The following ELMOD3 variants were observed in gnomAD, a reference collection of about 807,000 sequenced individuals.
ELMOD3 encodes the protein ELMO domain containing 3, also known as ELMO domain-containing protein 3.
ELMOD3 carries 36 observed loss-of-function variants against 47.4 expected under a neutral mutation model. The observed-to-expected ratio is 0.76, with a 90% CI of 0.58 to 1.00. The LOEUF (loss-of-function observed/expected upper bound fraction) is 1.00. Ranked by LOEUF, ELMOD3 falls within the 50% of genes least tolerant of loss-of-function variation. The probability of loss-of-function intolerance (pLI) is 0.00; values close to 1 mark genes in which losing one functional copy is unlikely to be tolerated. For synonymous variants in ELMOD3, 149 were observed against 183.5 expected (o/e 0.81, Z 1.52); for missense variants, 404 against 463.8 (o/e 0.87, Z 1.18).
At chr2:85,383,336 A>C (rs1685721308) in intron 11 of ELMOD3, among the ~76,000 whole-genome samples, 1 of 148,922 alleles carries the variant, frequency 6.7e-6, no homozygotes, top group African/African-American at 2.5e-5. Context: ...ACCATATCAT[A>C]TTGCTTGATC....
intron 11 of ELMOD3, 137 bp from the exon 12 acceptor site, chr2:85,389,613 GA>G: frequency 1.5e-6 from 1 of 665,246 alleles, no homozygotes. Context: ...AGATTATTAG[GA>G]AAATTAAGTG....
At chr2:85,382,828 G>T (rs1385959340) in intron 11 of ELMOD3, among the ~76,000 whole-genome samples, 1 of 151,392 alleles carries the variant, frequency 6.6e-6, no homozygotes, top group Non-Finnish European at 1.5e-5. Context: ...CACTTTAAAA[G>T]CACATACAGA....
At chr2:85,383,748 A>C (rs1020151319) in intron 11 of ELMOD3, among the ~76,000 whole-genome samples, 4 of 152,158 alleles carry the variant, frequency 2.6e-5, no homozygotes, top group African/African-American at 7.2e-5. Flanking sequence ...CATGGATAGG[A>C]GATTTGTCAA....
intron 4 of ELMOD3, 59 bp downstream of exon 4, chr2:85,357,311 T>G: frequency 6.4e-6 from 7 of 1,098,218 alleles, no homozygotes; most frequent in Non-Finnish European, 8.1e-6. Context: ...TCATTAAGTA[T>G]AGTAAGAATA....
At chr2:85,378,315 C>T (rs1685313273) in intron 11 of ELMOD3, among the ~76,000 whole-genome samples, 2 of 152,206 alleles carry the variant, frequency 1.3e-5, no homozygotes, top group Non-Finnish European at 2.9e-5. Flanking sequence ...TCTGAGGTCT[C>T]AGTTAATTTA....
chr2:85,368,579 C>CT, intron 6 of ELMOD3, 107 bp from the exon 7 acceptor site: 1 of 1,089,988 alleles, frequency 9.2e-7, no homozygotes, highest in Non-Finnish European at 1.4e-6. Context: ...CACCCCATCT[C>CT]TTAAAAAAAA....
At chr2:85,378,357 T>C (rs1390719278) in intron 11 of ELMOD3, among the ~76,000 whole-genome samples, 1 of 152,238 alleles carries the variant, frequency 6.6e-6, no homozygotes, top group Non-Finnish European at 1.5e-5. Context: ...TGAGAACACA[T>C]GCCCGTGACA....
chr2:85,390,406 A>G, intron 13 of ELMOD3, 141 bp downstream of exon 13: 1 of 1,613,946 alleles, frequency 6.2e-7, no homozygotes, highest in Non-Finnish European at 8.5e-7. Context: ...CAAAATCTCC[A>G]TCACCCACCC....
chr2:85,389,231 C>G (rs1425445852), intron 11 of ELMOD3, among the ~76,000 whole-genome samples: 6 of 152,228 alleles, frequency 3.9e-5, no homozygotes, highest in Admixed American at 3.9e-4. Context: ...GGTGTCCCCC[C>G]AAGTCAGGAT....
intron 11 of ELMOD3, among the ~76,000 whole-genome samples, chr2:85,381,114 A>G (rs924233906): frequency 6.6e-6 from 1 of 152,218 alleles, no homozygotes; most frequent in African/African-American, 2.4e-5. Flanking sequence ...ATATTTGACA[A>G]TGCTTCCTGT....
At chr2:85,373,060 G>A (rs1006785954) in intron 10 of ELMOD3, among the ~76,000 whole-genome samples, 1 of 151,872 alleles carries the variant, frequency 6.6e-6, no homozygotes, top group Non-Finnish European at 1.5e-5. Context: ...TCTGAGACCA[G>A]CCTGGCCAAC....
At chr2:85,378,540 G>T (rs1685328624) in intron 11 of ELMOD3, among the ~76,000 whole-genome samples, 1 of 152,112 alleles carries the variant, frequency 6.6e-6, no homozygotes, top group Non-Finnish European at 1.5e-5. Flanking sequence ...AGCAGGGAGG[G>T]GACTTTCAGG....
chr2:85,368,446 G>A (rs1221463027), intron 6 of ELMOD3: 1 of 500,094 alleles, frequency 2.0e-6, no homozygotes, highest in Non-Finnish European at 3.6e-6. Context: ...GGATCACCAG[G>A]TGGCCTAAGG....
Position 85,376,084 on chromosome 2 carries a change from TA to T in ELMOD3, c.608-1259del, listed in dbSNP as rs1685150333. ...TTTGCCATGTTACATAACATAGTCA[TA>T]GCTTCTGGGGACATGGTCATCGTGG... On this transcript the variant is annotated intron_variant, in intron 10 of 13. Transcript: ENST00000409013. The surrounding 1 kb of genome is among the most constrained non-coding windows in gnomAD (Gnocchi z 4.2). Among the ~76,000 whole-genome samples the T allele has an allele frequency of 6.6e-6, 1 of 152,194 alleles. No individual in the cohort carries two copies. The highest frequency in any genetic ancestry group is 2.4e-5 in the African/African-American group (1 of 41,458).
Position 85,362,226 on chromosome 2 carries a change from A to T in ELMOD3, c.95A>T (p.Lys32Met), listed in dbSNP as rs1684026342. ...LSAGYSPSYD[K>M]DKSVLAFRGI... The stretch of plus-strand genomic sequence containing the variant: ...GCTGGATATTCTCCATCATATGACA[A>T]GGACAAGAGTGTTCTGGCTTTCAGA... Residue 32 changes from lysine to methionine, a missense_variant, in exon 5 of 14, where the codon AAG (lysine) becomes ATG (methionine). Lys to Met is a moderately conservative substitution (Grantham distance 95). Transcript: ENST00000409013. 1.2e-6 allele frequency: 2 copies of T among 1,608,112 alleles called. No individual in the cohort carries two copies. The highest frequency in any genetic ancestry group is 4.5e-5 in the East Asian group (2 of 44,844).
chr2:85,359,807 C>T (rs1683822681), intron 4 of ELMOD3, among the ~76,000 whole-genome samples: 1 of 151,958 alleles, frequency 6.6e-6, no homozygotes. Context: ...ATGTTTAAAA[C>T]CAATTTGTGA....
chr2:85,369,624 ATGT>A, intron 7 of ELMOD3, 112 bp from the exon 8 acceptor site: 1 of 1,043,966 alleles, frequency 9.6e-7, no homozygotes, highest in East Asian at 2.4e-5. Flanking sequence ...TAAGTGTCTG[ATGT>A]TCAACTGGAA....
chr2:85,382,934 A>G (rs1203839342), intron 11 of ELMOD3, among the ~76,000 whole-genome samples: 3 of 113,888 alleles, frequency 2.6e-5, no homozygotes, highest in Admixed American at 1.0e-4. Flanking sequence ...CCATCCCAGA[A>G]GCAGGAAAAA....
intron 10 of ELMOD3, among the ~76,000 whole-genome samples, chr2:85,375,358 A>G (rs749320656): frequency 4.6e-5 from 7 of 152,178 alleles, no homozygotes; most frequent in Non-Finnish European, 1.0e-4. Context: ...CAGATCTCCA[A>G]GGCTCTGTTC....
Sources: allele counts gnomAD v4.1 joint callset (sites outside exome capture counted in the v4.1 genomes callset), GRCh38; gene constraint gnomAD v4.1.1; non-coding constraint Gnocchi (gnomAD v3.1); transcripts MANE v1.5; gene names NCBI Gene and HGNC (gene_info 2026-07-23, HGNC 2026-07-21).